NUDT2: variants seen among roughly 807,000 people sequenced by gnomAD.
NUDT2 encodes nudix hydrolase 2, also known as bis(5'-nucleosyl)-tetraphosphatase [asymmetrical].
In NUDT2, 12 loss-of-function variants were observed where a neutral mutation model predicts 14.2. The ratio of observed to expected loss-of-function variants is 0.84; its 90% CI spans 0.54 to 1.37. NUDT2 has a LOEUF of 1.37. NUDT2 is among the 40% of genes most tolerant of loss of function. The probability of loss-of-function intolerance (pLI) is 0.00; values close to 1 mark genes in which losing one functional copy is unlikely to be tolerated. For synonymous variants in NUDT2, 67 were observed against 67.4 expected, an observed-to-expected ratio of 0.99 and a Z score of 0.03; for missense variants, 167 against 176.7, an observed-to-expected ratio of 0.95 and a Z score of 0.31.
chr9:34,338,912 TGA>T, intron 3 of NUDT2, 65 bp downstream of exon 3: 1 of 856,736 alleles, frequency 1.2e-6, no homozygotes, highest in Non-Finnish European at 1.8e-6. Context: ...CTGTGGGCTA[TGA>T]GATCACAGTT....
chr9:34,342,201 G>A (rs866298210), intron 4 of NUDT2, among the ~76,000 whole-genome samples: 12 of 152,212 alleles, frequency 7.9e-5, no homozygotes, highest in African/African-American at 2.7e-4. Context: ...GTTTCCCTAT[G>A]AAACTGAAAT....
intron 4 of NUDT2, among the ~76,000 whole-genome samples, chr9:34,340,080 G>A (rs576400899): frequency 4.4e-4 from 67 of 151,946 alleles, no homozygotes; most frequent in African/African-American, 1.6e-3. Flanking sequence ...GATTACAGGC[G>A]CCCACCACCA....
chr9:34,331,131 A>G (rs1343056476), intron 1 of NUDT2, among the ~76,000 whole-genome samples: 2 of 152,234 alleles, frequency 1.3e-5, no homozygotes, highest in Non-Finnish European at 2.9e-5. Context: ...CAAAAGATAA[A>G]TTATTTTTCT....
chr9:34,330,969 A>AT (rs563507842), intron 1 of NUDT2, among the ~76,000 whole-genome samples: 92 of 151,888 alleles, frequency 6.1e-4, no homozygotes, highest in African/African-American at 2.2e-3. Flanking sequence ...TCAAAAAAAA[A>AT]AAGGTAGCTA....
At chr9:34,337,983 A>G (rs1420216494) in intron 2 of NUDT2, among the ~76,000 whole-genome samples, 1 of 151,612 alleles carries the variant, frequency 6.6e-6, no homozygotes, top group Non-Finnish European at 1.5e-5. Context: ...AGCTGGGATT[A>G]CAGGTGTGTG....
At position 34,338,069 on chromosome 9, in the gene NUDT2, C is replaced by G. The variant is rs376292914; in HGVS notation, c.-151-644C>G. 1.2e-3 allele frequency among the ~76,000 whole-genome samples: 165 copies of G among 139,282 alleles called. 1 individual carries two copies. Among genetic ancestry groups the G allele is most frequent in the African/African-American group, 4.3e-3 (160 of 37,106 alleles). The allele number at this position is 139,282 out of a possible 152,430, so 91.4% of individuals were successfully genotyped here. ...ATGTTGGCCAGGATGGTCTCAATCT[C>G]TTGACCTCGTGATCCACCCAGGGAG... is the stretch of plus-strand genomic sequence containing the variant. On this transcript the variant is annotated intron_variant, in intron 2 of 4. Coordinates refer to ENST00000379158, the MANE Select transcript of NUDT2 (RefSeq NM_001161.5).
intron 4 of NUDT2, among the ~76,000 whole-genome samples, chr9:34,341,743 C>T (rs1031981524): frequency 2.6e-5 from 4 of 152,150 alleles, no homozygotes; most frequent in Non-Finnish European, 5.9e-5. Context: ...CTCCTGACCT[C>T]AGATGATCCA....
chr9:34,334,555 A>G (rs1838037829), intron 1 of NUDT2, among the ~76,000 whole-genome samples: 1 of 152,178 alleles, frequency 6.6e-6, no homozygotes, highest in African/African-American at 2.4e-5. Context: ...AACCCCCAAC[A>G]ATAGTTCCAT....
chr9:34,333,255 C>CT (rs765915321), intron 1 of NUDT2, among the ~76,000 whole-genome samples: 3 of 152,152 alleles, frequency 2.0e-5, no homozygotes, highest in Non-Finnish European at 4.4e-5. Flanking sequence ...CTACGGCCCT[C>CT]TCCCCCCAAC....
chr9:34,337,156 C>T (rs1449311726), intron 2 of NUDT2, among the ~76,000 whole-genome samples: 4 of 151,984 alleles, frequency 2.6e-5, no homozygotes, highest in African/African-American at 7.2e-5. Flanking sequence ...TGTGCCATCA[C>T]GCCTGGATAA....
chr9:34,336,783 A>G lies in NUDT2; in HGVS notation c.-152+442A>G, dbSNP rs942648967. Among the ~76,000 whole-genome samples the G allele has an allele frequency of 4.7e-4, 71 of 152,102 alleles. 2 individuals carry two copies. In the Middle Eastern group the frequency reaches 0.01, roughly 22 times the overall value. On this transcript the variant is annotated intron_variant, in intron 2 of 4. Transcript: ENST00000379158. ...GGTCTCAAACTCCTGGGCTCAGGCA[A>G]TCCTCCTGCCTCAGCCTCCCAGAAT...
chr9:34,343,313 G>C lies in NUDT2; in HGVS notation c.317G>C (p.Arg106Pro), dbSNP rs573965468. The change falls in exon 5 of 5, where the codon CGC becomes CCC. Residue 106 changes from arginine to proline, a missense_variant. Physicochemically the swap from Arg to Pro is moderately radical, Grantham distance 103. Transcript: ENST00000379158. Reference sequence around the variant, plus strand: ...GTGAAGGACTATGACGTGGAGATCCGCCTCTCCCATGAGCACCAAGCCTAC... The same window carrying C: ...GTGAAGGACTATGACGTGGAGATCCCCCTCTCCCATGAGCACCAAGCCTAC... ...AEVKDYDVEIRLSHEHQAYRW... is the reference protein window; with the variant it reads ...AEVKDYDVEIPLSHEHQAYRW... 4.2e-5 allele frequency: 67 copies of C among 1,611,826 alleles called. No individual in the cohort carries two copies. The Admixed American group carries it at 6.3e-4, about 15-fold the overall frequency.
At chr9:34,341,837 G>T (rs1820193471) in intron 4 of NUDT2, among the ~76,000 whole-genome samples, 1 of 152,098 alleles carries the variant, frequency 6.6e-6, no homozygotes, top group Non-Finnish European at 1.5e-5. Context: ...GCAGCAGCTG[G>T]CTCTGGGCAT....
intron 1 of NUDT2, among the ~76,000 whole-genome samples, chr9:34,334,464 C>A (rs1274829155): frequency 6.6e-6 from 1 of 152,190 alleles, no homozygotes; most frequent in Non-Finnish European, 1.5e-5. Context: ...AGGTTTGAAT[C>A]CACTTGGAGT....
At chr9:34,340,071 A>T (rs1357934994) in intron 4 of NUDT2, among the ~76,000 whole-genome samples, 1 of 151,856 alleles carries the variant, frequency 6.6e-6, no homozygotes, top group Non-Finnish European at 1.5e-5. Context: ...AGTAGCTGGG[A>T]TTACAGGCGC....
chr9:34,342,868 A>C (rs1587994423), intron 4 of NUDT2, among the ~76,000 whole-genome samples: 1 of 151,904 alleles, frequency 6.6e-6, no homozygotes, highest in African/African-American at 2.4e-5. Context: ...TAAATAAATA[A>C]ATAAATAAAT....
intron 2 of NUDT2, among the ~76,000 whole-genome samples, chr9:34,336,751 C>T (rs918315189): frequency 2.0e-5 from 3 of 151,914 alleles, no homozygotes; most frequent in Admixed American, 6.6e-5. Context: ...ACTGTGTTGT[C>T]CGGACTGGTC....
intron 2 of NUDT2, among the ~76,000 whole-genome samples, chr9:34,336,796 A>G (rs1208420488): frequency 6.6e-6 from 1 of 152,034 alleles, no homozygotes; most frequent in Non-Finnish European, 1.5e-5. Flanking sequence ...CTCCTGCCTC[A>G]GCCTCCCAGA....
intron 4 of NUDT2, among the ~76,000 whole-genome samples, chr9:34,341,916 G>A (rs1587993849): frequency 6.6e-6 from 1 of 152,142 alleles, no homozygotes; most frequent in Non-Finnish European, 1.5e-5. Context: ...GTTCCTGCTC[G>A]CCATGAGCCT....
Sources: gnomAD v4.1 joint callset for allele counts (sites outside exome capture counted in the v4.1 genomes callset) on GRCh38, gnomAD v4.1.1 for gene constraint, MANE v1.5 for transcripts, NCBI Gene and HGNC (gene_info 2026-07-23, HGNC 2026-07-21) for gene names.